The following ARNT2 variants were observed in gnomAD, a reference collection of about 807,000 sequenced individuals.
ARNT2 encodes the protein ARNT protein 2.
ARNT2 carries 36 observed loss-of-function variants against 91.7 expected under a neutral mutation model. The observed-to-expected ratio is 0.39, with a 90% CI of 0.30 to 0.52. ARNT2 has a LOEUF of 0.52. Among genes scored for constraint, ARNT2 ranks in the 20% least tolerant of loss-of-function variants. The probability of loss-of-function intolerance (pLI) is 0.72; values close to 1 mark genes in which losing one functional copy is unlikely to be tolerated. For missense variants in ARNT2, 775 were observed against 939.3 expected (o/e 0.83, Z 2.29); for synonymous variants, 365 against 347.1 (o/e 1.05, Z -0.57).
intron 5 of ARNT2, among the ~76,000 whole-genome samples, chr15:80,476,803 C>A (rs778973344): frequency 7.2e-5 from 11 of 152,184 alleles, no homozygotes; most frequent in Non-Finnish European, 1.2e-4. Context: ...ATACAATAAA[C>A]CGAATAGCTT....
At chr15:80,451,240 G>T (rs563446256) in intron 2 of ARNT2, among the ~76,000 whole-genome samples, 1 of 152,342 alleles carries the variant, frequency 6.6e-6, no homozygotes, top group African/African-American at 2.4e-5. Context: ...TGATCCTGCT[G>T]GGCCTGGCTC....
intron 15 of ARNT2, among the ~76,000 whole-genome samples, chr15:80,579,349 A>G (rs899514588): frequency 6.6e-6 from 1 of 152,236 alleles, no homozygotes; most frequent in African/African-American, 2.4e-5. Flanking sequence ...TGTCCCCTTT[A>G]TATAAGCCAC....
Position 80,551,239 on chromosome 15 carries a change from C to CAGT in ARNT2, c.920_922dup (p.Ser307dup). 6.2e-7 allele frequency: 1 copy of CAGT among 1,613,998 alleles called. No individual in the cohort carries two copies. Among genetic ancestry groups the CAGT allele is most frequent in the East Asian group, 2.2e-5 (1 of 44,882 alleles). On this transcript the variant is annotated inframe_insertion, in exon 9 of 19. Coordinates refer to ENST00000303329, the MANE Select transcript of ARNT2 (RefSeq NM_014862.4). ...AAGAAGACGCTGATGTGGGACAAGG[C>CAGT]AGTAAATATTGCCTCGTGGCAATTG...
intron 5 of ARNT2, among the ~76,000 whole-genome samples, chr15:80,505,935 T>G (rs932670852): frequency 3.0e-5 from 4 of 131,890 alleles, no homozygotes; most frequent in East Asian, 4.0e-4. Context: ...TTGTTTTTTT[T>G]TTTTTTTTTT....
intron 8 of ARNT2, among the ~76,000 whole-genome samples, chr15:80,549,652 A>G (rs766309908): frequency 6.6e-6 from 1 of 152,244 alleles, no homozygotes; most frequent in Non-Finnish European, 1.5e-5. Context: ...CAACACTAAG[A>G]AATCACTTCT....
chr15:80,577,901 T>C (rs1898709552), intron 15 of ARNT2, among the ~76,000 whole-genome samples: 1 of 152,186 alleles, frequency 6.6e-6, no homozygotes, highest in Admixed American at 6.5e-5. Context: ...TGGGGAGCCC[T>C]GGCTGCAGGC....
In ARNT2 at chr15:80,597,442, C is replaced by G. The variant is rs900936400; in HGVS notation, c.*3744C>G. The G allele has an allele frequency of 1.4e-5, 5 of 349,944 alleles. No individual in the cohort carries two copies. Among genetic ancestry groups the G allele is most frequent in the African/African-American group, 1.1e-4 (5 of 46,608 alleles). 21.7% of individuals were successfully genotyped at this position (349,944 alleles called of 1,614,324 possible). ...CGGGGTCATTCCCCACCAAACACCC[C>G]ATACTAAGGAGCCATGAGCCACCTG... is the stretch of plus-strand genomic sequence containing the variant. On this transcript the variant is annotated 3_prime_UTR_variant, in exon 19 of 19. Transcript: ENST00000303329.
intron 5 of ARNT2, among the ~76,000 whole-genome samples, chr15:80,491,092 C>G (rs1017109328): frequency 2.0e-4 from 31 of 151,896 alleles, no homozygotes; most frequent in South Asian, 2.1e-4. Flanking sequence ...AAGAACTTTC[C>G]CAGCCATGGG....
chr15:80,422,753 T>C (rs1895877825), intron 1 of ARNT2, among the ~76,000 whole-genome samples: 1 of 121,896 alleles, frequency 8.2e-6, no homozygotes. Flanking sequence ...TATAATAATA[T>C]TTCTAGAGTA....
chr15:80,437,922 TAC>T (rs58142108), intron 1 of ARNT2, among the ~76,000 whole-genome samples: 7,268 of 141,582 alleles, frequency 0.051, 405 homozygotes, highest in African/African-American at 0.13. Context: ...TGTATTTACC[TAC>T]ACACACACAC....
intron 8 of ARNT2, among the ~76,000 whole-genome samples, chr15:80,522,462 A>G (rs116247794): frequency 6.6e-6 from 1 of 152,332 alleles, no homozygotes; most frequent in African/African-American, 2.4e-5. Flanking sequence ...ATGTGTCATT[A>G]GGCAATTTAA....
At chr15:80,577,264 G>A (rs986725571) in intron 15 of ARNT2, among the ~76,000 whole-genome samples, 2 of 152,218 alleles carry the variant, frequency 1.3e-5, no homozygotes, top group Admixed American at 6.5e-5. Flanking sequence ...GGACCCAAGT[G>A]AGCTGGAGCT....
intron 3 of ARNT2, among the ~76,000 whole-genome samples, chr15:80,465,912 TTG>T (rs1896645454): frequency 6.6e-6 from 1 of 152,182 alleles, no homozygotes; most frequent in African/African-American, 2.4e-5. Context: ...CACACAGGGA[TTG>T]TGTTTGCACC....
chr15:80,577,329 A>G (rs1898694385), intron 15 of ARNT2, among the ~76,000 whole-genome samples: 1 of 152,210 alleles, frequency 6.6e-6, no homozygotes, highest in Admixed American at 6.5e-5. Flanking sequence ...CCCAGAGGCT[A>G]CAGCCAAATC....
intron 8 of ARNT2, among the ~76,000 whole-genome samples, chr15:80,521,313 A>G (rs1295388287): frequency 6.6e-6 from 1 of 152,146 alleles, no homozygotes; most frequent in African/African-American, 2.4e-5. Context: ...TTTTCTAAAC[A>G]GGAGAAGAGT....
chr15:80,565,834 G>C (rs1357810837), intron 12 of ARNT2, among the ~76,000 whole-genome samples: 1 of 150,372 alleles, frequency 6.7e-6, no homozygotes, highest in Non-Finnish European at 1.5e-5. Context: ...TAGATTGTCT[G>C]TTTACTCTAT....
chr15:80,475,211 A>G lies in ARNT2; in HGVS notation c.610A>G (p.Asn204Asp). ...KLREQLCTSE[N>D]SMTGRILDLK... ...GAGAGAGCAACTGTGCACCTCAGAAAACTCAATGACAGGTCAGTGGAGCTC... is the reference window on the plus strand; with the variant it reads ...GAGAGAGCAACTGTGCACCTCAGAAGACTCAATGACAGGTCAGTGGAGCTC... Residue 204 changes from asparagine to aspartate, a missense_variant, in exon 5 of 19, where the codon AAC (asparagine) becomes GAC (aspartate). Transcript: ENST00000303329. 6.2e-7 allele frequency: 1 copy of G among 1,614,002 alleles called. No homozygotes were observed.
Position 80,593,971 on chromosome 15 carries a change from G to T in ARNT2, c.*273G>T. On this transcript the variant is annotated 3_prime_UTR_variant, in exon 19 of 19. Transcript: ENST00000303329. ...GTGTGCTCAGGAGGTGAGCCTAGTG[G>T]GTCCTTAAGTTTGGTTGTGAATAAT... is the stretch of plus-strand genomic sequence containing the variant. 1 of 410,298 alleles carries T rather than the reference G, an allele frequency of 2.4e-6. No homozygotes were observed. The highest frequency in any genetic ancestry group is 4.4e-6 in the Non-Finnish European group (1 of 228,176). The allele number at this position is 410,298 out of a possible 1,614,324, so 25.4% of individuals were successfully genotyped here.
chr15:80,456,197 C>T (rs748542572), intron 2 of ARNT2, among the ~76,000 whole-genome samples: 45 of 152,136 alleles, frequency 3.0e-4, no homozygotes, highest in Admixed American at 1.5e-3. Flanking sequence ...AGCTGCTGCC[C>T]GGTGCCTGGT....
Sources: allele counts gnomAD v4.1 joint callset (sites outside exome capture counted in the v4.1 genomes callset), GRCh38; gene constraint gnomAD v4.1.1; transcripts MANE v1.5; gene names NCBI Gene and HGNC (gene_info 2026-07-23, HGNC 2026-07-21).